GNG12: variants seen among roughly 807,000 people sequenced by gnomAD.
GNG12 encodes guanine nucleotide-binding protein G(I)/G(S)/G(O) subunit gamma-12.
For synonymous variants in GNG12, 28 were observed against 29.7 expected (o/e 0.94, Z 0.19); for missense variants, 69 against 83.8 (o/e 0.82, Z 0.69).
chr1:67,825,809 C>T lies in GNG12; in HGVS notation c.-77+7535G>A, dbSNP rs17130320. Among the ~76,000 whole-genome samples, 589 of 152,292 alleles carry T rather than the reference C, an allele frequency of 3.9e-3. 2 individuals carry two copies. The highest frequency in any genetic ancestry group is 0.013 in the African/African-American group (559 of 41,562). ...TCCATTCCCTGCACCAGGCCAACTA[C>T]ACAACGGGTGCTGGTGACCCTGGCA... On this transcript the variant is annotated intron_variant, in intron 1 of 3. Coordinates refer to ENST00000370982, the MANE Select transcript of GNG12 (RefSeq NM_018841.6).
chr1:67,746,356 C>T (rs1570508340), intron 2 of GNG12, among the ~76,000 whole-genome samples: 1 of 152,242 alleles, frequency 6.6e-6, no homozygotes, highest in East Asian at 1.9e-4. Context: ...TTAAAAAGTC[C>T]CCACTTTCCC....
At chr1:67,810,457 A>G (rs751777212) in intron 1 of GNG12, among the ~76,000 whole-genome samples, 21 of 152,204 alleles carry the variant, frequency 1.4e-4, no homozygotes, top group Non-Finnish European at 2.5e-4. Context: ...CAATAAATGT[A>G]CCACTCTGGT....
chr1:67,749,430 C>G (rs1301300488), intron 2 of GNG12, among the ~76,000 whole-genome samples: 1 of 152,170 alleles, frequency 6.6e-6, no homozygotes, highest in Non-Finnish European at 1.5e-5. Context: ...ACAGTAAGCA[C>G]TCAATAAATG....
intron 3 of GNG12, among the ~76,000 whole-genome samples, chr1:67,706,273 A>G (rs1357410279): frequency 6.6e-6 from 1 of 152,232 alleles, no homozygotes; most frequent in African/African-American, 2.4e-5. Flanking sequence ...TCTACCCAGA[A>G]AAAAACAGAT....
intron 2 of GNG12, among the ~76,000 whole-genome samples, chr1:67,754,157 C>A (rs1032517266): frequency 6.6e-6 from 1 of 152,162 alleles, no homozygotes; most frequent in Admixed American, 6.5e-5. Flanking sequence ...CAACTCTGTA[C>A]AGATTTCTGG....
intron 2 of GNG12, among the ~76,000 whole-genome samples, chr1:67,708,036 T>C (rs1482402480): frequency 6.6e-6 from 1 of 152,234 alleles, no homozygotes; most frequent in Non-Finnish European, 1.5e-5. Flanking sequence ...TTGTAGCACT[T>C]AGGGGACCTG....
chr1:67,773,355 T>G (rs1280783934), intron 2 of GNG12, among the ~76,000 whole-genome samples: 1 of 152,174 alleles, frequency 6.6e-6, no homozygotes, highest in Non-Finnish European at 1.5e-5. Context: ...TCCCCACCCT[T>G]GATCCTGCAC....
chr1:67,770,836 G>T (rs563685554), intron 2 of GNG12, among the ~76,000 whole-genome samples: 1 of 152,310 alleles, frequency 6.6e-6, no homozygotes, highest in East Asian at 1.9e-4. Context: ...CCTGAGCAGT[G>T]GGCAGCTGGA....
At chr1:67,714,565 T>TA (rs1350012658) in intron 2 of GNG12, among the ~76,000 whole-genome samples, 1 of 152,202 alleles carries the variant, frequency 6.6e-6, no homozygotes, top group African/African-American at 2.4e-5. Flanking sequence ...TGCATCCTCT[T>TA]ACACACTGTG....
At chr1:67,761,024 C>CT (rs1046697450) in intron 2 of GNG12, among the ~76,000 whole-genome samples, 3 of 152,180 alleles carry the variant, frequency 2.0e-5, no homozygotes, top group African/African-American at 7.2e-5. Flanking sequence ...GCTCCTATGC[C>CT]TTTCTAGGTC....
chr1:67,829,728 A>G (rs1225172625), intron 1 of GNG12, among the ~76,000 whole-genome samples: 7 of 152,232 alleles, frequency 4.6e-5, no homozygotes, highest in Non-Finnish European at 1.0e-4. Context: ...GTTATGTTCT[A>G]GGAGTGAAAC....
chr1:67,739,193 A>G (rs1367393523), intron 2 of GNG12, among the ~76,000 whole-genome samples: 1 of 152,104 alleles, frequency 6.6e-6, no homozygotes, highest in African/African-American at 2.4e-5. Flanking sequence ...AACAAACAAA[A>G]ACAAAAAAAC....
At position 67,733,735 on chromosome 1, in the gene GNG12, T is replaced by C. The variant is rs775323194; in HGVS notation, c.-26-26023A>G. Among the ~76,000 whole-genome samples the C allele has an allele frequency of 3.3e-5, 5 of 152,328 alleles. No individual in the cohort carries two copies. In the East Asian group the frequency reaches 7.7e-4, roughly 24 times the overall value. ...TTCCCCCAAACCTTCCTGGGAGTCA[T>C]TGCAGGACCAACTTCAGAACACACA... On this transcript the variant is annotated intron_variant, in intron 2 of 3. Transcript: ENST00000370982.
intron 1 of GNG12, among the ~76,000 whole-genome samples, chr1:67,796,613 G>A (rs1317213293): frequency 1.3e-5 from 2 of 152,060 alleles, no homozygotes; most frequent in Non-Finnish European, 2.9e-5. Context: ...TTATGCTTTA[G>A]TTCATGTAAC....
At chr1:67,705,657 A>G in intron 3 of GNG12, 81 bp from the exon 4 acceptor site, 2 of 1,492,780 alleles carry the variant, frequency 1.3e-6, no homozygotes. Flanking sequence ...ATGCTAGGCT[A>G]TTGAATGGAA....
intron 2 of GNG12, among the ~76,000 whole-genome samples, chr1:67,728,011 G>C (rs1646396838): frequency 6.6e-6 from 1 of 152,138 alleles, no homozygotes; most frequent in Non-Finnish European, 1.5e-5. Context: ...CTTAAACAGA[G>C]GAAAATATTG....
chr1:67,784,390 G>A lies in GNG12; in HGVS notation c.-76-6883C>T, dbSNP rs1397305880. On this transcript the variant is annotated intron_variant, in intron 1 of 3. Transcript: ENST00000370982. ...TAGATGACGAGTTAGTGGGTGCAGCGCACCAGCATGGCACATGTATACATA... is the reference window on the plus strand; with the variant it reads ...TAGATGACGAGTTAGTGGGTGCAGCACACCAGCATGGCACATGTATACATA... 2.0e-5 allele frequency among the ~76,000 whole-genome samples: 3 copies of A among 150,620 alleles called. 1 individual carries two copies. The highest frequency in any genetic ancestry group is 7.3e-5 in the African/African-American group (3 of 41,056).
At chr1:67,729,263 T>C (rs978229277) in intron 2 of GNG12, among the ~76,000 whole-genome samples, 1 of 152,202 alleles carries the variant, frequency 6.6e-6, no homozygotes, top group African/African-American at 2.4e-5. Flanking sequence ...CTTAGATCTA[T>C]CTATGGTCCT....
intron 2 of GNG12, among the ~76,000 whole-genome samples, chr1:67,769,290 TG>T (rs1444315213): frequency 6.6e-6 from 1 of 152,136 alleles, no homozygotes; most frequent in East Asian, 1.9e-4. Context: ...AACATCACAG[TG>T]GTCCAACCAC....
Sources: gnomAD v4.1 joint callset for allele counts (sites outside exome capture counted in the v4.1 genomes callset) on GRCh38, gnomAD v4.1.1 for gene constraint, MANE v1.5 for transcripts, NCBI Gene and HGNC (gene_info 2026-07-23, HGNC 2026-07-21) for gene names.